Variants in SGCZ observed in about 807,000 individuals in gnomAD.
SGCZ encodes the protein zeta-sarcoglycan.
In SGCZ, 40 loss-of-function variants were observed where a neutral mutation model predicts 41.3. The ratio of observed to expected loss-of-function variants is 0.97; its 90% CI spans 0.75 to 1.26. The LOEUF (loss-of-function observed/expected upper bound fraction) is 1.26. SGCZ is among the 50% of genes most tolerant of loss of function. The probability of loss-of-function intolerance (pLI) is 0.00; values close to 1 mark genes in which losing one functional copy is unlikely to be tolerated. For synonymous variants in SGCZ, 206 were observed against 137.5 expected, an observed-to-expected ratio of 1.50 and a Z score of -3.49; for missense variants, 552 against 369.8, an observed-to-expected ratio of 1.49 and a Z score of -4.04.
intron 3 of SGCZ, among the ~76,000 whole-genome samples, chr8:14,258,967 G>A (rs1380617368): frequency 1.3e-5 from 2 of 152,096 alleles, no homozygotes; most frequent in Admixed American, 6.6e-5. Context: ...CTTAGAAAAC[G>A]TTCAGCAAGA....
intron 1 of SGCZ, among the ~76,000 whole-genome samples, chr8:14,578,360 A>G (rs955889514): frequency 6.6e-6 from 1 of 152,194 alleles, no homozygotes; most frequent in East Asian, 1.9e-4. Context: ...TCAGCAGACC[A>G]GCCTGGCCCA....
chr8:15,090,070 C>CAAAAG (rs1806099868), intron 1 of SGCZ, among the ~76,000 whole-genome samples: 1 of 152,114 alleles, frequency 6.6e-6, no homozygotes, highest in South Asian at 2.1e-4. Flanking sequence ...TCAACATATT[C>CAAAAG]TTTTTGCCAA....
chr8:14,454,084 G>A (rs1180194196), intron 2 of SGCZ, among the ~76,000 whole-genome samples: 2 of 152,080 alleles, frequency 1.3e-5, no homozygotes, highest in Non-Finnish European at 1.5e-5. Context: ...GATGACGTCC[G>A]CAGCAAGAAT....
chr8:15,211,282 T>TAAA (rs5889575), intron 1 of SGCZ, among the ~76,000 whole-genome samples: 1 of 147,544 alleles, frequency 6.8e-6, no homozygotes. Context: ...ACTGGTTGCC[T>TAAA]AAAAAAAAAA....
chr8:14,332,366 G>A (rs1248353934), intron 2 of SGCZ, among the ~76,000 whole-genome samples: 17 of 152,064 alleles, frequency 1.1e-4, no homozygotes, highest in African/African-American at 3.1e-4. Context: ...GTGTGAACCC[G>A]GGAGGCGGAG....
chr8:14,721,585 C>T (rs375251430), intron 1 of SGCZ, among the ~76,000 whole-genome samples: 2 of 152,172 alleles, frequency 1.3e-5, no homozygotes, highest in African/African-American at 4.8e-5. Context: ...TTCTCACCAC[C>T]TCTACCACTC....
intron 4 of SGCZ, among the ~76,000 whole-genome samples, chr8:14,230,405 A>G (rs1357768527): frequency 6.6e-6 from 1 of 152,146 alleles, no homozygotes; most frequent in Non-Finnish European, 1.5e-5. Flanking sequence ...ATATGTTAAC[A>G]TATTTAATTT....
chr8:14,728,513 G>C (rs1810133253), intron 1 of SGCZ, among the ~76,000 whole-genome samples: 2 of 151,888 alleles, frequency 1.3e-5, no homozygotes, highest in Admixed American at 1.3e-4. Context: ...ACACGAAAAT[G>C]AATTATGAAT....
At chr8:14,763,051 T>C (rs1246080441) in intron 1 of SGCZ, among the ~76,000 whole-genome samples, 1 of 152,168 alleles carries the variant, frequency 6.6e-6, no homozygotes, top group African/African-American at 2.4e-5. Flanking sequence ...CAATAAGAAT[T>C]AAAAATAAAA....
At chr8:14,753,611 T>A (rs76357584) in intron 1 of SGCZ, among the ~76,000 whole-genome samples, 7,073 of 152,286 alleles carry the variant, frequency 0.046, 314 homozygotes, top group African/African-American at 0.11. Flanking sequence ...AGAGGAGGCA[T>A]GGTCTGGACC....
intron 3 of SGCZ, among the ~76,000 whole-genome samples, chr8:14,252,234 G>C (rs1419107426): frequency 6.6e-6 from 1 of 151,854 alleles, no homozygotes; most frequent in Non-Finnish European, 1.5e-5. Context: ...TGTGCTAGCA[G>C]TTCTTAGCTA....
intron 3 of SGCZ, among the ~76,000 whole-genome samples, chr8:14,322,432 A>G (rs1801954856): frequency 6.6e-6 from 1 of 152,036 alleles, no homozygotes; most frequent in Non-Finnish European, 1.5e-5. Flanking sequence ...CTCACACGTT[A>G]ATGCTATAAT....
At chr8:14,218,900 C>T (rs772672243) in intron 4 of SGCZ, among the ~76,000 whole-genome samples, 28 of 152,238 alleles carry the variant, frequency 1.8e-4, no homozygotes, top group Admixed American at 6.5e-4. Context: ...AGTCTACGAC[C>T]ACCAATTGAG....
intron 2 of SGCZ, among the ~76,000 whole-genome samples, chr8:14,445,959 G>T (rs916715383): frequency 1.3e-5 from 2 of 152,166 alleles, no homozygotes; most frequent in Non-Finnish European, 2.9e-5. Flanking sequence ...GGAGTGGCTG[G>T]CCAGATCCCA....
At chr8:14,199,392 C>G (rs987373580) in intron 4 of SGCZ, among the ~76,000 whole-genome samples, 1 of 152,140 alleles carries the variant, frequency 6.6e-6, no homozygotes, top group Non-Finnish European at 1.5e-5. Flanking sequence ...TTATCAATGA[C>G]AATGCATGCC....
chr8:14,814,197 G>A lies in SGCZ; in HGVS notation c.40-259271C>T, dbSNP rs75093039. On this transcript the variant is annotated intron_variant, in intron 1 of 7. Coordinates refer to ENST00000382080, the MANE Select transcript of SGCZ (RefSeq NM_139167.4). ...AGAATAAATAAATATTTATGTTAAC[G>A]TCTCATCTCAGAACAAATAAGCCAT... is the stretch of plus-strand genomic sequence containing the variant. Among the ~76,000 whole-genome samples the A allele has an allele frequency of 3.8e-3, 571 of 152,118 alleles. 4 individuals carry two copies. The highest frequency in any genetic ancestry group is 0.013 in the African/African-American group (547 of 41,514).
At chr8:14,588,899 C>G (rs1051828696) in intron 1 of SGCZ, among the ~76,000 whole-genome samples, 1 of 152,110 alleles carries the variant, frequency 6.6e-6, no homozygotes, top group Non-Finnish European at 1.5e-5. Flanking sequence ...TAATTATAAT[C>G]GATACTACCT....
At chr8:15,137,111 T>A (rs573529338) in intron 1 of SGCZ, among the ~76,000 whole-genome samples, 1 of 152,144 alleles carries the variant, frequency 6.6e-6, no homozygotes, top group African/African-American at 2.4e-5. Flanking sequence ...CAGGCTGAGA[T>A]GGTCTTAGAG....
intron 1 of SGCZ, among the ~76,000 whole-genome samples, chr8:15,145,671 T>C (rs750194487): frequency 3.8e-4 from 58 of 152,168 alleles, no homozygotes; most frequent in Non-Finnish European, 7.1e-4. Flanking sequence ...CCGAGGCTGG[T>C]CTCAAACTCC....
Sources: gnomAD v4.1 joint callset for allele counts (sites outside exome capture counted in the v4.1 genomes callset) on GRCh38, gnomAD v4.1.1 for gene constraint, MANE v1.5 for transcripts, NCBI Gene and HGNC (gene_info 2026-07-23, HGNC 2026-07-21) for gene names.